Variants in FRMD6 observed in about 807,000 individuals in gnomAD.
FRMD6 encodes the protein FERM domain containing 6.
FRMD6 carries 37 observed loss-of-function variants against 73.2 expected under a neutral mutation model. The ratio of observed to expected loss-of-function variants is 0.51; its 90% confidence interval spans 0.39 to 0.66. FRMD6 has a LOEUF of 0.66. FRMD6 is among the 30% of genes least tolerant of loss of function. FRMD6 has a pLI of 0.00. For missense variants in FRMD6, 714 were observed against 780.5 expected (o/e 0.91, Z 1.02); for synonymous variants, 273 against 282.2 (o/e 0.97, Z 0.33).
At chr14:51,637,506 T>A (rs1891626674) in intron 2 of FRMD6, 1 of 125,400 alleles carries the variant, frequency 8.0e-6, no homozygotes, top group South Asian at 2.6e-4. Context: ...CACACATATA[T>A]TTGGAAGTAA....
chr14:51,591,042 T>C (rs528520380), intron 2 of FRMD6, among the ~76,000 whole-genome samples: 32 of 152,346 alleles, frequency 2.1e-4, no homozygotes, highest in African/African-American at 7.7e-4. Flanking sequence ...ACTGACCCAA[T>C]GGCAGCTGCT....
intron 2 of FRMD6, among the ~76,000 whole-genome samples, chr14:51,625,443 G>T (rs982934711): frequency 3.6e-5 from 5 of 140,080 alleles, no homozygotes; most frequent in South Asian, 2.4e-4. Context: ...GCCCTTTTGG[G>T]ATTCCCCTTA....
chr14:51,538,882 G>A (rs1383965331), intron 1 of FRMD6, among the ~76,000 whole-genome samples: 4 of 152,056 alleles, frequency 2.6e-5, no homozygotes, highest in African/African-American at 9.7e-5. Flanking sequence ...GGATTATCTT[G>A]TCTATTTCTA....
At chr14:51,569,861 G>T (rs1475415023) in intron 1 of FRMD6, among the ~76,000 whole-genome samples, 2 of 150,984 alleles carry the variant, frequency 1.3e-5, no homozygotes, top group Non-Finnish European at 3.0e-5. Flanking sequence ...TGTCGCCCAG[G>T]CTGGAGTGCA....
At chr14:51,715,638 A>G in intron 10 of FRMD6, 139 bp downstream of exon 10, 1 of 599,790 alleles carries the variant, frequency 1.7e-6, no homozygotes, top group East Asian at 3.0e-5. Flanking sequence ...ATTACTATTT[A>G]CATCTCAGTA....
intron 1 of FRMD6, among the ~76,000 whole-genome samples, chr14:51,562,284 G>A (rs1950910): frequency 0.11 from 16,360 of 152,226 alleles, 1,250 homozygotes; most frequent in Non-Finnish European, 0.16. Flanking sequence ...ACTAATGGGA[G>A]TAGGCCACAG....
intron 10 of FRMD6, among the ~76,000 whole-genome samples, chr14:51,719,103 A>G (rs894620403): frequency 6.6e-6 from 1 of 152,250 alleles, no homozygotes; most frequent in Non-Finnish European, 1.5e-5. Context: ...TAAAAAGGCA[A>G]GGAATCTAAA....
At chr14:51,589,290 T>C (rs141619471) in intron 2 of FRMD6, among the ~76,000 whole-genome samples, 175 of 152,282 alleles carry the variant, frequency 1.1e-3, no homozygotes, top group Non-Finnish European at 2.0e-3. Context: ...TTGCTCCATG[T>C]ACAGGTTTTA....
intron 2 of FRMD6, among the ~76,000 whole-genome samples, chr14:51,641,976 G>A (rs1375272979): frequency 6.6e-6 from 1 of 152,078 alleles, no homozygotes; most frequent in African/African-American, 2.4e-5. Context: ...GGCTTTGAAG[G>A]TTCCCTTGTC....
intron 2 of FRMD6, among the ~76,000 whole-genome samples, chr14:51,620,113 C>T (rs142607696): frequency 2.2e-4 from 33 of 152,270 alleles, no homozygotes; most frequent in African/African-American, 7.9e-4. Flanking sequence ...GTCTGTCCTT[C>T]TACTACTTTG....
chr14:51,586,451 G>T (rs10873051), intron 2 of FRMD6, among the ~76,000 whole-genome samples: 147,920 of 152,302 alleles, frequency 0.97, 71,858 homozygotes, highest in African/African-American at 0.99. Flanking sequence ...TTGAGCTGTT[G>T]GAATTCCTTA....
At chr14:51,518,346 G>A (rs1442472876) in intron 1 of FRMD6, among the ~76,000 whole-genome samples, 2 of 152,174 alleles carry the variant, frequency 1.3e-5, no homozygotes, top group Non-Finnish European at 2.9e-5. Flanking sequence ...GCACCCTGTA[G>A]GCAAGGGGAT....
chr14:51,621,832 T>A (rs1890939163), intron 2 of FRMD6, among the ~76,000 whole-genome samples: 1 of 152,094 alleles, frequency 6.6e-6, no homozygotes, highest in Admixed American at 6.6e-5. Flanking sequence ...AGAAAGCCAG[T>A]GAGGGTACTA....
chr14:51,426,539 AT>A, the FRMD6 span, among the ~76,000 whole-genome samples: 2 of 152,140 alleles, frequency 1.3e-5, no homozygotes, highest in Non-Finnish European at 2.9e-5. Context: ...GACTATATGT[AT>A]TTTTGCACTT....
chr14:51,574,490 A>G (rs1888303221), intron 2 of FRMD6, among the ~76,000 whole-genome samples: 1 of 152,270 alleles, frequency 6.6e-6, no homozygotes, highest in South Asian at 2.1e-4. Context: ...GAGCCATAAA[A>G]GAGAATGAGA....
chr14:51,693,864 C>T (rs994936729), intron 2 of FRMD6, among the ~76,000 whole-genome samples: 6 of 152,144 alleles, frequency 3.9e-5, no homozygotes, highest in South Asian at 2.1e-4. Flanking sequence ...GACTAGGTTA[C>T]GTAGGATGGA....
intron 1 of FRMD6, among the ~76,000 whole-genome samples, chr14:51,570,036 C>T (rs956596299): frequency 4.6e-5 from 7 of 152,062 alleles, no homozygotes; most frequent in Middle Eastern, 3.4e-3. Flanking sequence ...AGGATGGTCT[C>T]GATCTCCTGA....
intron 1 of FRMD6, among the ~76,000 whole-genome samples, chr14:51,680,574 G>A (rs1894723956): frequency 6.6e-6 from 1 of 152,086 alleles, no homozygotes; most frequent in African/African-American, 2.4e-5. Context: ...GTTGGTTTAT[G>A]CTTATTCATT....
At chr14:51,469,237 C>A in the FRMD6 span, among the ~76,000 whole-genome samples, 2 of 151,300 alleles carry the variant, frequency 1.3e-5, no homozygotes, top group African/African-American at 4.8e-5. Context: ...CTGCGCCCAG[C>A]CTACATTTGT....
Sources: allele counts gnomAD v4.1 joint callset (sites outside exome capture counted in the v4.1 genomes callset), GRCh38; gene constraint gnomAD v4.1.1; transcripts MANE v1.5; gene names NCBI Gene and HGNC (gene_info 2026-07-23, HGNC 2026-07-21).